The following KSR2 variants were observed in gnomAD, a reference collection of about 807,000 sequenced individuals.
KSR2 encodes the protein kinase suppressor of ras 2.
KSR2 carries 25 observed loss-of-function variants against 107.8 expected under a neutral mutation model. That is an observed-to-expected ratio of 0.23 (90% CI 0.17 to 0.32). KSR2 has a LOEUF of 0.32. Ranked by LOEUF, KSR2 falls within the 10% of genes least tolerant of loss-of-function variation. KSR2 has a pLI of 1.00. For synonymous variants in KSR2, 480 were observed against 507.0 expected, an observed-to-expected ratio of 0.95 and a Z score of 0.71; for missense variants, 887 against 1,268.9, an observed-to-expected ratio of 0.70 and a Z score of 4.57.
chr12:117,681,392 T>A (rs1885358905), intron 4 of KSR2, among the ~76,000 whole-genome samples: 1 of 152,010 alleles, frequency 6.6e-6, no homozygotes, highest in Non-Finnish European at 1.5e-5. Context: ...GAGACCTGAA[T>A]GTCAAGGAGA....
chr12:117,753,291 T>C (rs1888672427), intron 4 of KSR2, among the ~76,000 whole-genome samples: 1 of 152,210 alleles, frequency 6.6e-6, no homozygotes, highest in African/African-American at 2.4e-5. Context: ...TATCTCTGTT[T>C]ACATACGGTG....
chr12:117,539,970 C>G (rs1876362430), intron 9 of KSR2, 83 bp from the exon 10 acceptor site: 1 of 1,171,952 alleles, frequency 8.5e-7, no homozygotes, highest in Admixed American at 2.3e-5. Flanking sequence ...GCAGGAGAGG[C>G]CCCCACCCCA....
At chr12:117,710,314 C>A (rs146717220) in intron 4 of KSR2, among the ~76,000 whole-genome samples, 1,980 of 152,242 alleles carry the variant, frequency 0.013, 37 homozygotes, top group African/African-American at 0.046. Flanking sequence ...CGCCTCTCAT[C>A]TTTTATTTAA....
At chr12:117,681,217 T>C (rs997540363) in intron 4 of KSR2, among the ~76,000 whole-genome samples, 7 of 151,986 alleles carry the variant, frequency 4.6e-5, no homozygotes, top group African/African-American at 1.7e-4. Context: ...CTGCAGTGAG[T>C]CAAGATTGTG....
At chr12:117,920,175 T>G (rs1895297688) in intron 1 of KSR2, among the ~76,000 whole-genome samples, 1 of 152,200 alleles carries the variant, frequency 6.6e-6, no homozygotes. Flanking sequence ...CATGGCTCAC[T>G]GCAGTCTTGA....
intron 3 of KSR2, among the ~76,000 whole-genome samples, chr12:117,850,821 A>AAT (rs34860141): frequency 1.4e-3 from 213 of 151,958 alleles, no homozygotes; most frequent in African/African-American, 5.0e-3. Flanking sequence ...AAAAAAAAAA[A>AAT]ATACACATGT....
At chr12:117,767,708 C>A (rs1418613017) in intron 3 of KSR2, among the ~76,000 whole-genome samples, 2 of 150,260 alleles carry the variant, frequency 1.3e-5, no homozygotes, top group Non-Finnish European at 3.0e-5. Context: ...CGGCGTGAAC[C>A]CGGGAGGCGG....
At chr12:117,819,159 G>T (rs139575995) in intron 3 of KSR2, among the ~76,000 whole-genome samples, 1 of 152,200 alleles carries the variant, frequency 6.6e-6, no homozygotes, top group Non-Finnish European at 1.5e-5. Context: ...TGTAGCATCA[G>T]GCTCAGGGGA....
intron 3 of KSR2, among the ~76,000 whole-genome samples, chr12:117,799,573 T>A (rs987072981): frequency 1.3e-5 from 2 of 151,830 alleles, no homozygotes; most frequent in South Asian, 2.1e-4. Context: ...ATAAAAAAAA[T>A]TTAATCATAG....
intron 14 of KSR2, among the ~76,000 whole-genome samples, chr12:117,489,901 GA>G (rs1872659342): frequency 6.6e-6 from 1 of 152,170 alleles, no homozygotes; most frequent in African/African-American, 2.4e-5. Context: ...TCTGAGCTTG[GA>G]ATTCCTCATG....
In KSR2 at chr12:117,582,452, C is replaced by T. The variant is rs1879726459; in HGVS notation, c.1172-93G>A. 4.4e-6 allele frequency: 4 copies of T among 908,166 alleles called. No homozygotes were observed. The highest frequency in any genetic ancestry group is 3.6e-6 in the Non-Finnish European group (2 of 556,892). 56.3% of individuals were successfully genotyped at this position (908,166 alleles called of 1,614,324 possible). The stretch of plus-strand genomic sequence containing the variant: ...GGAAGGAAAAGGGGGGCTCGTCACC[C>T]TCAGGAAGGATACCAGTTGCCATCA... On this transcript the variant is annotated intron_variant, in intron 5 of 19. Coordinates refer to ENST00000339824, the MANE Select transcript of KSR2 (RefSeq NM_173598.6).
At chr12:117,732,982 C>A (rs145949075) in intron 4 of KSR2, among the ~76,000 whole-genome samples, 1 of 152,320 alleles carries the variant, frequency 6.6e-6, no homozygotes, top group Non-Finnish European at 1.5e-5. Flanking sequence ...CCATTGACTT[C>A]TGCTCAGCTG....
chr12:117,793,169 CAT>C (rs1474209746), intron 3 of KSR2, among the ~76,000 whole-genome samples: 1 of 145,158 alleles, frequency 6.9e-6, no homozygotes, highest in Admixed American at 6.8e-5. Context: ...CGCACACCAA[CAT>C]GTACACACAC....
chr12:117,965,779 C>G (rs1359473002), intron 1 of KSR2, among the ~76,000 whole-genome samples: 1 of 152,206 alleles, frequency 6.6e-6, no homozygotes, highest in Admixed American at 6.5e-5. Context: ...CCCAGCTAAA[C>G]TAGAATCTCT....
chr12:117,925,238 C>A (rs1305499146), intron 1 of KSR2, among the ~76,000 whole-genome samples: 1 of 152,026 alleles, frequency 6.6e-6, no homozygotes, highest in Non-Finnish European at 1.5e-5. Flanking sequence ...GTCCTCCCAC[C>A]TCAGCCTCCT....
chr12:117,838,179 G>A (rs545512018), intron 3 of KSR2, among the ~76,000 whole-genome samples: 2 of 152,254 alleles, frequency 1.3e-5, no homozygotes, highest in Admixed American at 1.3e-4. Context: ...TTTTGGGTTG[G>A]GTTTTTGAGA....
At chr12:117,694,621 C>A (rs1424543043) in intron 4 of KSR2, among the ~76,000 whole-genome samples, 1 of 152,172 alleles carries the variant, frequency 6.6e-6, no homozygotes, top group Non-Finnish European at 1.5e-5. Flanking sequence ...CAGCAGTTCA[C>A]ATGTTCACAG....
At chr12:117,893,669 T>C (rs1417381645) in intron 1 of KSR2, among the ~76,000 whole-genome samples, 4 of 152,074 alleles carry the variant, frequency 2.6e-5, no homozygotes, top group Admixed American at 2.0e-4. Flanking sequence ...TAAAACAAGA[T>C]CAAGAGAGCA....
intron 3 of KSR2, among the ~76,000 whole-genome samples, chr12:117,837,715 T>G (rs747929163): frequency 2.0e-5 from 3 of 152,048 alleles, no homozygotes; most frequent in Non-Finnish European, 4.4e-5. Flanking sequence ...GCCTCATTTC[T>G]CCTCCACAAA....
Sources: allele counts gnomAD v4.1 joint callset (sites outside exome capture counted in the v4.1 genomes callset), GRCh38; gene constraint gnomAD v4.1.1; transcripts MANE v1.5; gene names NCBI Gene and HGNC (gene_info 2026-07-23, HGNC 2026-07-21).